The following KYAT3 variants were observed in gnomAD, a reference collection of about 807,000 sequenced individuals.
KYAT3 encodes the protein kynurenine--oxoglutarate transaminase 3.
KYAT3 carries 50 observed loss-of-function variants against 59.0 expected under a neutral mutation model. That is an observed-to-expected ratio of 0.85 (90% CI 0.68 to 1.07). KYAT3 has a LOEUF of 1.07. Ranked by LOEUF, KYAT3 falls within the 50% of genes least tolerant of loss-of-function variation. The pLI is 0.00. For missense variants in KYAT3, 497 were observed against 533.3 expected (o/e 0.93, Z 0.67); for synonymous variants, 148 against 177.0 (o/e 0.84, Z 1.30).
rs114194518 is a variant in KYAT3, at chr1:88,943,074, G to A, written c.1233C>T (p.Pro411=). ...TCTCTGAGTTACAGAATGCTGAAACGGGGATGGCTGATAGTTTCTGAAAAA... is the reference window on the plus strand; with the variant it reads ...TCTCTGAGTTACAGAATGCTGAAACAGGGATGGCTGATAGTTTCTGAAAAA... ...MTKHKKLSAI[P]VSAFCNSETK... is the part of the protein sequence containing the mutation. Residue 411 remains proline (P), a synonymous_variant, in exon 13 of 14, where the codon CCC becomes CCT. Transcript: ENST00000260508. 2,545 of 1,610,964 alleles carry A rather than the reference G, an allele frequency of 1.6e-3. 38 individuals carry two copies. In the African/African-American group the frequency reaches 0.031, roughly 20 times the overall value.
intron 4 of KYAT3, among the ~76,000 whole-genome samples, chr1:88,967,888 T>G (rs1220336426): frequency 6.6e-6 from 1 of 152,168 alleles, no homozygotes; most frequent in Non-Finnish European, 1.5e-5. Context: ...AGCCTTTCAT[T>G]ATGGATTTGT....
chr1:88,973,610 C>G (rs1458647813), intron 2 of KYAT3, among the ~76,000 whole-genome samples: 1 of 152,184 alleles, frequency 6.6e-6, no homozygotes, highest in Non-Finnish European at 1.5e-5. Flanking sequence ...AAGGCCTATA[C>G]TTCCATGTTA....
chr1:88,965,028 AC>A, intron 4 of KYAT3, 50 bp from the exon 5 acceptor site: 1 of 1,450,096 alleles, frequency 6.9e-7, no homozygotes, highest in South Asian at 1.3e-5. Context: ...TATGGGACCT[AC>A]TGTTTGAGGT....
At chr1:88,952,917 G>A (rs1675742007) in intron 10 of KYAT3, 146 bp downstream of exon 10, 5 of 567,644 alleles carry the variant, frequency 8.8e-6, no homozygotes, top group South Asian at 2.4e-5. Context: ...CAGTGAATAT[G>A]TATCTGCTCC....
At chr1:88,976,416 G>A (rs1008801588) in intron 2 of KYAT3, among the ~76,000 whole-genome samples, 1 of 151,946 alleles carries the variant, frequency 6.6e-6, no homozygotes, top group African/African-American at 2.4e-5. Context: ...GTAACATTGT[G>A]GCATGATGCA....
At chr1:88,936,690 T>C (rs1675050419) in intron 13 of KYAT3, among the ~76,000 whole-genome samples, 1 of 119,292 alleles carries the variant, frequency 8.4e-6, no homozygotes, top group South Asian at 4.0e-4. Context: ...TCATTCACAC[T>C]ACTCTGCCCC....
the KYAT3 span, among the ~76,000 whole-genome samples, chr1:88,926,958 T>C: frequency 6.6e-6 from 1 of 152,224 alleles, no homozygotes; most frequent in East Asian, 1.9e-4. Context: ...ACAAATGCAA[T>C]GTTGGGCACG....
intron 10 of KYAT3, 59 bp from the exon 11 acceptor site, chr1:88,949,336 GT>G: frequency 8.3e-7 from 1 of 1,210,136 alleles, no homozygotes; most frequent in Non-Finnish European, 1.1e-6. Flanking sequence ...TTATTGCTTA[GT>G]TTATTGGTAT....
rs908590338 is a variant in KYAT3, at chr1:88,943,344, C to T, written c.1215+6G>A. On this transcript the variant is annotated splice_donor_region_variant and intron_variant, in intron 12 of 13. Transcript: ENST00000260508. Reference sequence around the variant, plus strand: ...ACAGAATCTTGCAAAGAACAATAAACATTACCTTATGTTTAGTCATCCATT... The same window carrying T: ...ACAGAATCTTGCAAAGAACAATAAATATTACCTTATGTTTAGTCATCCATT... 1 of 1,465,226 alleles carries T rather than the reference C, an allele frequency of 6.8e-7. No homozygotes were observed. The highest frequency in any genetic ancestry group is 9.5e-7 in the Non-Finnish European group (1 of 1,056,636). The allele number at this position is 1,465,226 out of a possible 1,614,324, so 90.8% of individuals were successfully genotyped here. A position where few individuals can be genotyped will look rare whatever the true frequency, so the allele number is the denominator to read the frequency against.
rs560900375 is a variant in KYAT3, at chr1:88,983,412, T to A, written c.99+4840A>T. ...AGTGGTCCCCTGGAAGAACTCATGT[T>A]AAAATTCATGGAATATCCACCATCA... On this transcript the variant is annotated intron_variant, in intron 2 of 13. Coordinates refer to ENST00000260508, the MANE Select transcript of KYAT3 (RefSeq NM_001008661.3). 3 of 1,614,212 alleles carry A rather than the reference T, an allele frequency of 1.9e-6. No individual in the cohort carries two copies. The Admixed American group carries it at 5.0e-5, about 27-fold the overall frequency.
rs777678878 is a variant in KYAT3 at position 88,975,308 on chromosome 1, T to C, written c.100-5841A>G. 5.9e-5 allele frequency among the ~76,000 whole-genome samples: 9 copies of C among 152,242 alleles called. 1 individual carries two copies. The South Asian group carries it at 1.7e-3, about 28-fold the overall frequency. ...ACAGGACTACCGGCACGTGCCACCA[T>C]GCCTGGCTAATTTTTTGTATTTTTA... On this transcript the variant is annotated intron_variant, in intron 2 of 13. Coordinates refer to ENST00000260508, the MANE Select transcript of KYAT3 (RefSeq NM_001008661.3).
At chr1:88,935,437 T>C (rs894856284), downstream of KYAT3, among the ~76,000 whole-genome samples, 7 of 151,268 alleles carry the variant, frequency 4.6e-5, no homozygotes, top group Non-Finnish European at 1.0e-4. Flanking sequence ...AATAGGTCAT[T>C]ATAGTGGGAG....
chr1:88,927,057 G>T, the KYAT3 span, among the ~76,000 whole-genome samples: 1 of 152,152 alleles, frequency 6.6e-6, no homozygotes, highest in African/African-American at 2.4e-5. Flanking sequence ...CTGCTACATC[G>T]GTAAGCGTAA....
chr1:88,962,666 T>C (rs1189495879), intron 5 of KYAT3, among the ~76,000 whole-genome samples: 1 of 152,190 alleles, frequency 6.6e-6, no homozygotes, highest in African/African-American at 2.4e-5. Context: ...GCACGGTTAA[T>C]TTTTGTATTT....
intron 2 of KYAT3, among the ~76,000 whole-genome samples, chr1:88,974,920 G>C (rs1676713938): frequency 6.6e-6 from 1 of 152,194 alleles, no homozygotes; most frequent in Non-Finnish European, 1.5e-5. Context: ...AGCAGGATGT[G>C]GGCAGGGCCA....
chr1:88,989,154 T>A (rs1217946924), intron 1 of KYAT3, among the ~76,000 whole-genome samples: 1 of 152,224 alleles, frequency 6.6e-6, no homozygotes, highest in Non-Finnish European at 1.5e-5. Context: ...ATAAGGCTGC[T>A]GTATCAGTGG....
chr1:88,974,435 CTTG>C (rs1393005909), intron 2 of KYAT3, among the ~76,000 whole-genome samples: 2 of 134,630 alleles, frequency 1.5e-5, no homozygotes, highest in Non-Finnish European at 3.2e-5. Context: ...ATTTCAGTGT[CTTG>C]TTGTCTTGCA....
chr1:88,950,899 T>C (rs575308146), intron 10 of KYAT3, among the ~76,000 whole-genome samples: 47 of 152,336 alleles, frequency 3.1e-4, no homozygotes, highest in African/African-American at 9.6e-4. Flanking sequence ...CCCAGCTCCA[T>C]TGGACTCCCA....
At chr1:88,955,795 C>T (rs959635648) in intron 8 of KYAT3, among the ~76,000 whole-genome samples, 7 of 152,152 alleles carry the variant, frequency 4.6e-5, no homozygotes, top group Non-Finnish European at 1.0e-4. Context: ...GAATCAGAAA[C>T]TCTGGGAGTG....
Sources: gnomAD v4.1 joint callset for allele counts (sites outside exome capture counted in the v4.1 genomes callset) on GRCh38, gnomAD v4.1.1 for gene constraint, MANE v1.5 for transcripts, NCBI Gene and HGNC (gene_info 2026-07-23, HGNC 2026-07-21) for gene names.